Variants in GABRA1 observed in about 807,000 individuals in gnomAD.
The protein encoded by GABRA1 is gamma-aminobutyric acid receptor subunit alpha-1.
GABRA1 carries 9 observed loss-of-function variants against 48.9 expected under a neutral mutation model. The ratio of observed to expected loss-of-function variants is 0.18; its 90% CI spans 0.11 to 0.32. The LOEUF is 0.32. Ranked by LOEUF, GABRA1 falls within the 10% of genes least tolerant of loss-of-function variation. The pLI, the probability that GABRA1 is intolerant of heterozygous loss-of-function variation, is 1.00. For synonymous variants in GABRA1, 210 were observed against 198.7 expected (o/e 1.06, Z -0.48); for missense variants, 285 against 553.8 (o/e 0.51, Z 4.87).
chr5:161,855,739 A>G (rs1757621503), intron 3 of GABRA1, among the ~76,000 whole-genome samples: 1 of 151,332 alleles, frequency 6.6e-6, no homozygotes, highest in Non-Finnish European at 1.5e-5. Flanking sequence ...AGTGATATAA[A>G]TTTTACATAG....
At chr5:161,854,602 A>T (rs1344341066) in intron 3 of GABRA1, among the ~76,000 whole-genome samples, 1 of 151,518 alleles carries the variant, frequency 6.6e-6, no homozygotes, top group Non-Finnish European at 1.5e-5. Context: ...CAGCTATCTC[A>T]CCTGGTACTG....
At chr5:161,875,699 A>C in intron 6 of GABRA1, 57 bp downstream of exon 6, 2 of 1,272,386 alleles carry the variant, frequency 1.6e-6, no homozygotes, top group Non-Finnish European at 2.3e-6. Context: ...AGAGATCTCT[A>C]GCTATATCTG....
At chr5:161,887,801 C>G (rs1754914123) in intron 7 of GABRA1, among the ~76,000 whole-genome samples, 1 of 152,028 alleles carries the variant, frequency 6.6e-6, no homozygotes, top group African/African-American at 2.4e-5. Flanking sequence ...TGTAAATGTC[C>G]ATAGAAATAG....
intron 2 of GABRA1, among the ~76,000 whole-genome samples, chr5:161,851,168 T>C (rs765627599): frequency 6.6e-6 from 1 of 152,156 alleles, no homozygotes; most frequent in Non-Finnish European, 1.5e-5. Flanking sequence ...GAACAAAACG[T>C]GCGGTTTCCT....
At chr5:161,867,021 G>A (rs940673279) in intron 4 of GABRA1, among the ~76,000 whole-genome samples, 1 of 152,092 alleles carries the variant, frequency 6.6e-6, no homozygotes, top group South Asian at 2.1e-4. Context: ...CATGTATAAG[G>A]TGGGATTAAT....
intron 6 of GABRA1, among the ~76,000 whole-genome samples, chr5:161,880,768 A>T (rs1196001887): frequency 6.6e-6 from 1 of 152,200 alleles, no homozygotes; most frequent in Non-Finnish European, 1.5e-5. Context: ...GCTTTGTTTT[A>T]GGGACTGAAA....
intron 1 of GABRA1, chr5:161,850,276 G>T (rs1243844282): frequency 1.4e-5 from 3 of 209,688 alleles, no homozygotes; most frequent in Non-Finnish European, 2.8e-5. Flanking sequence ...AATAAATACA[G>T]TTGCTTCTGA....
chr5:161,884,801 C>A (rs1479788085), intron 7 of GABRA1, among the ~76,000 whole-genome samples: 1 of 152,122 alleles, frequency 6.6e-6, no homozygotes, highest in Non-Finnish European at 1.5e-5. Context: ...TATTCCTGCT[C>A]TAATTTTAGC....
intron 3 of GABRA1, among the ~76,000 whole-genome samples, chr5:161,858,256 G>A (rs1275127589): frequency 6.6e-6 from 1 of 151,540 alleles, no homozygotes; most frequent in Non-Finnish European, 1.5e-5. Context: ...AGGAAGCCTG[G>A]ATGTTCTCCA....
intron 8 of GABRA1, among the ~76,000 whole-genome samples, chr5:161,894,403 A>G (rs543845026): frequency 6.6e-6 from 1 of 152,142 alleles, no homozygotes; most frequent in Non-Finnish European, 1.5e-5. Context: ...ATTGCATTTA[A>G]TCCTCATGAT....
intron 7 of GABRA1, among the ~76,000 whole-genome samples, chr5:161,885,198 C>T (rs992979850): frequency 3.9e-5 from 6 of 152,112 alleles, no homozygotes; most frequent in Non-Finnish European, 8.8e-5. Flanking sequence ...TCCACAGTAA[C>T]GCTGAATTAT....
In GABRA1 at chr5:161,869,838, C is replaced by T. The variant is rs369999809; in HGVS notation, c.256-3279C>T. ...TTAGGAGAGGTTTACCTTTGTCCAA[C>T]CTCTCTTCCACGGAGTCCCCTCTTC... is the stretch of plus-strand genomic sequence containing the variant. On this transcript the variant is annotated intron_variant, in intron 4 of 9. Coordinates refer to ENST00000393943, the MANE Select transcript of GABRA1 (RefSeq NM_001127644.2). 1.2e-3 allele frequency among the ~76,000 whole-genome samples: 185 copies of T among 152,224 alleles called. 1 individual carries two copies. The highest frequency in any genetic ancestry group is 4.3e-3 in the African/African-American group (179 of 41,546).
In GABRA1 at chr5:161,871,691, T is replaced by A. The variant is rs190124117; in HGVS notation, c.256-1426T>A. On this transcript the variant is annotated intron_variant, in intron 4 of 9. Coordinates refer to ENST00000393943, the MANE Select transcript of GABRA1 (RefSeq NM_001127644.2). The stretch of plus-strand genomic sequence containing the variant: ...TAAGAGATATTTGTTGGTGAGTAAA[T>A]TCCCTTTATGTATCTATCACAGTGC... 3.9e-5 allele frequency among the ~76,000 whole-genome samples: 6 copies of A among 152,260 alleles called. No homozygotes were observed. The East Asian group carries it at 1.2e-3, about 29-fold the overall frequency.
chr5:161,872,346 T>C (rs1300439834), intron 4 of GABRA1: 1 of 152,632 alleles, frequency 6.6e-6, no homozygotes, highest in Admixed American at 6.6e-5. Context: ...ATGCTGTGTT[T>C]ATTCAAATAA....
chr5:161,893,048 T>TAATTAAAAA (rs5872733), intron 8 of GABRA1, among the ~76,000 whole-genome samples: 2 of 141,994 alleles, frequency 1.4e-5, no homozygotes, highest in Non-Finnish European at 3.0e-5. Flanking sequence ...ATAATAATAA[T>TAATTAAAAA]AAAATAAACA....
At chr5:161,849,545 A>C (rs570674003) in intron 1 of GABRA1, among the ~76,000 whole-genome samples, 1 of 152,294 alleles carries the variant, frequency 6.6e-6, no homozygotes, top group African/African-American at 2.4e-5. Flanking sequence ...ATTGCTTACA[A>C]GCCTGTTTGT....
At chr5:161,871,654 T>G (rs1301380630) in intron 4 of GABRA1, among the ~76,000 whole-genome samples, 1 of 152,172 alleles carries the variant, frequency 6.6e-6, no homozygotes. Context: ...TTTGCTGAAT[T>G]TATTAGGTGC....
intron 1 of GABRA1, chr5:161,848,631 T>C: frequency 5.1e-6 from 1 of 195,670 alleles, no homozygotes; most frequent in Non-Finnish European, 1.1e-5. Context: ...AACGAAATGT[T>C]TTTCTTTCAG....
At position 161,882,545 on chromosome 5, in the gene GABRA1, T is replaced by C. The variant is rs2113414291; in HGVS notation, c.560-13T>C. 5.6e-6 allele frequency: 9 copies of C among 1,611,848 alleles called. No individual in the cohort carries two copies. The highest frequency in any genetic ancestry group is 7.6e-6 in the Non-Finnish European group (9 of 1,178,186). On this transcript the variant is annotated splice_polypyrimidine_tract_variant and intron_variant, in intron 6 of 9. Coordinates refer to ENST00000393943, the MANE Select transcript of GABRA1 (RefSeq NM_001127644.2). ...GTAAAATATATGGATCATTTTCTAC[T>C]GTTTCCTTTTAGATGCTTATACAAG...
Sources: allele counts gnomAD v4.1 joint callset (sites outside exome capture counted in the v4.1 genomes callset), GRCh38; gene constraint gnomAD v4.1.1; transcripts MANE v1.5; gene names NCBI Gene and HGNC (gene_info 2026-07-23, HGNC 2026-07-21).